Variants in MID1 observed in about 807,000 individuals in gnomAD.
MID1 encodes the protein midline 1, also known as E3 ubiquitin-protein ligase Midline-1.
A neutral mutation model predicts 40.4 loss-of-function variants in MID1; 7 were observed. The ratio of observed to expected loss-of-function variants is 0.17; its 90% CI spans 0.10 to 0.33. The LOEUF (loss-of-function observed/expected upper bound fraction) is 0.33, where lower values mean the gene tolerates loss of function less well. MID1 is among the 10% of genes least tolerant of loss of function. MID1 has a pLI of 1.00. For synonymous variants in MID1, 229 were observed against 221.2 expected (o/e 1.04, Z -0.31); for missense variants, 367 against 558.5 (o/e 0.66, Z 3.46).
chrX:10,672,086 G>A (rs753989347), intron 1 of MID1, among the ~76,000 whole-genome samples: 4 of 110,567 alleles, frequency 3.6e-5, no homozygotes, highest in African/African-American at 6.6e-5. Flanking sequence ...TTAGCTGAGC[G>A]TGGTGGTGCA....
intron 2 of MID1, among the ~76,000 whole-genome samples, chrX:10,563,444 C>T (rs1934416042): frequency 9.0e-6 from 1 of 111,628 alleles, no homozygotes; most frequent in African/African-American, 3.3e-5. Context: ...AAGAGGACTA[C>T]TGCATTTTAA....
At chrX:10,624,788 T>TA (rs778828745), upstream of MID1, among the ~76,000 whole-genome samples, 7 of 110,874 alleles carry the variant, frequency 6.3e-5, no homozygotes, top group Non-Finnish European at 1.3e-4. Flanking sequence ...TATTTTTTAC[T>TA]AATTTGTAGA....
intron 4 of MID1, among the ~76,000 whole-genome samples, chrX:10,482,988 TATCTCAGGTTTATCTTCTTTTC>T (rs1294730400): frequency 8.9e-6 from 1 of 112,600 alleles, no homozygotes; most frequent in Non-Finnish European, 1.9e-5. Context: ...GAACTTTCTC[TATCTCAGGTTTATCTTCTTTTC>T]ATCAAGAAGA....
chrX:10,462,408 C>T (rs1878467561), intron 7 of MID1, among the ~76,000 whole-genome samples: 1 of 111,691 alleles, frequency 9.0e-6, no homozygotes, highest in Non-Finnish European at 1.9e-5. Context: ...ACTGAGTTTG[C>T]TTAAGCAAGA....
At chrX:10,803,162 C>T (rs1278295116) in intron 1 of MID1, among the ~76,000 whole-genome samples, 1 of 109,701 alleles carries the variant, frequency 9.1e-6, no homozygotes, top group African/African-American at 3.3e-5. Flanking sequence ...TGCACACATA[C>T]TCCCTGAATC....
chrX:10,666,406 C>A (rs867464866), intron 1 of MID1, among the ~76,000 whole-genome samples: 499 of 67,963 alleles, frequency 7.3e-3, no homozygotes, highest in Middle Eastern at 8.4e-3. Flanking sequence ...TGATAAACTG[C>A]AAAAAAAAAA....
chrX:10,554,514 T>A (rs751232177), intron 2 of MID1, among the ~76,000 whole-genome samples: 24 of 112,120 alleles, frequency 2.1e-4, no homozygotes, highest in African/African-American at 7.8e-4. Context: ...TGATACATAA[T>A]ATTTGTACAT....
Position 10,651,262 on chromosome X carries a change from C to T in MID1, c.-186-30843G>A, listed in dbSNP as rs761382401. On this transcript the variant is annotated intron_variant, in intron 1 of 10. Coordinates refer to the MID1 transcript ENST00000380785. ...GACTGGAAGTAGCATATACTAAGCT[C>T]ACCCATACTTTATTGGCTTGACTGA... Among the ~76,000 whole-genome samples the T allele has an allele frequency of 4.5e-5, 5 of 111,604 alleles. No individual in the cohort carries two copies. In the South Asian group the frequency reaches 1.9e-3, roughly 43 times the overall value.
intron 1 of MID1, among the ~76,000 whole-genome samples, chrX:10,753,200 G>C (rs946620724): frequency 1.8e-5 from 2 of 112,117 alleles, no homozygotes; most frequent in African/African-American, 3.2e-5. Flanking sequence ...GTCTAACTGG[G>C]AGGATGAACA....
intron 1 of MID1, among the ~76,000 whole-genome samples, chrX:10,817,470 T>G (rs1335505204): frequency 2.7e-5 from 3 of 111,274 alleles, no homozygotes; most frequent in Non-Finnish European, 5.7e-5. Flanking sequence ...CTAGGATGAC[T>G]TCAATGGATG....
At chrX:10,751,214 G>A (rs1402117003) in intron 1 of MID1, among the ~76,000 whole-genome samples, 2 of 109,332 alleles carry the variant, frequency 1.8e-5, no homozygotes, top group Non-Finnish European at 3.8e-5. Flanking sequence ...GCAGTGAGCC[G>A]AGATTGCACC....
At chrX:10,556,020 A>G (rs1934105960) in intron 2 of MID1, among the ~76,000 whole-genome samples, 1 of 109,532 alleles carries the variant, frequency 9.1e-6, no homozygotes, top group Admixed American at 9.8e-5. Context: ...TTCCTATTCT[A>G]AGAGAGACAG....
chrX:10,554,047 T>TA (rs1934027905), intron 2 of MID1, among the ~76,000 whole-genome samples: 1 of 111,948 alleles, frequency 8.9e-6, no homozygotes, highest in African/African-American at 3.3e-5. Flanking sequence ...TGACTACAGT[T>TA]ATGCTTTTGA....
chrX:10,465,861 G>C (rs372556243), intron 7 of MID1, among the ~76,000 whole-genome samples: 1 of 111,992 alleles, frequency 8.9e-6, no homozygotes, highest in Non-Finnish European at 1.9e-5. Flanking sequence ...CTAACCCATG[G>C]AAACTGAAAT....
intron 1 of MID1, among the ~76,000 whole-genome samples, chrX:10,681,614 C>T (rs2043061341): frequency 9.0e-6 from 1 of 111,510 alleles, no homozygotes; most frequent in African/African-American, 3.3e-5. Context: ...TCTTGGAAAT[C>T]ACATGGTGTT....
chrX:10,732,394 T>C (rs1018190693), intron 1 of MID1, among the ~76,000 whole-genome samples: 2 of 112,415 alleles, frequency 1.8e-5, no homozygotes, highest in African/African-American at 6.5e-5. Context: ...TATATTATTG[T>C]AGCAGCATGA....
intron 4 of MID1, among the ~76,000 whole-genome samples, chrX:10,483,858 A>T: frequency 8.9e-6 from 1 of 112,527 alleles, no homozygotes; most frequent in East Asian, 2.8e-4. Flanking sequence ...AAGCAAACAA[A>T]GGAAATTCAT....
intron 1 of MID1, among the ~76,000 whole-genome samples, chrX:10,761,394 T>C (rs1462370563): frequency 1.8e-5 from 2 of 112,175 alleles, no homozygotes; most frequent in East Asian, 2.8e-4. Flanking sequence ...TTTTGTTCTC[T>C]GACCAAGTAC....
chrX:10,557,033 C>A (rs926806815), intron 2 of MID1, among the ~76,000 whole-genome samples: 1 of 111,793 alleles, frequency 8.9e-6, no homozygotes, highest in Non-Finnish European at 1.9e-5. Flanking sequence ...TAAGTTGCAA[C>A]CACAATTCCT....
Sources: allele counts gnomAD v4.1 joint callset (sites outside exome capture counted in the v4.1 genomes callset), GRCh38; gene constraint gnomAD v4.1.1; transcripts MANE v1.5; gene names NCBI Gene and HGNC (gene_info 2026-07-23, HGNC 2026-07-21).